The following RAE1 variants were observed in gnomAD, a reference collection of about 807,000 sequenced individuals.
The protein encoded by RAE1 is ribonucleic acid export 1.
A neutral mutation model predicts 52.7 loss-of-function variants in RAE1; 13 were observed. The observed-to-expected ratio is 0.25, with a 90% CI of 0.16 to 0.39. The LOEUF is 0.39. Ranked by LOEUF, RAE1 falls within the 10% of genes least tolerant of loss-of-function variation. The probability of loss-of-function intolerance (pLI) is 1.00; values close to 1 mark genes in which losing one functional copy is unlikely to be tolerated. For synonymous variants in RAE1, 164 were observed against 153.1 expected, an observed-to-expected ratio of 1.07 and a Z score of -0.52; for missense variants, 262 against 459.8, an observed-to-expected ratio of 0.57 and a Z score of 3.93.
chr20:57,375,046 T>C (rs1386035225), intron 11 of RAE1: 5 of 705,140 alleles, frequency 7.1e-6, no homozygotes, highest in African/African-American at 5.2e-5. Context: ...TACGGGCTGC[T>C]CTGTTCCTGG....
At chr20:57,374,851 C>G (rs1002039250) in intron 11 of RAE1, 50 bp downstream of exon 11, 1 of 1,605,022 alleles carries the variant, frequency 6.2e-7, no homozygotes, top group Non-Finnish European at 8.5e-7. Context: ...CAGAGCCAGG[C>G]TCTGGGTTCA....
chr20:57,375,952 T>G (rs2067108615), intron 11 of RAE1, among the ~76,000 whole-genome samples: 1 of 152,216 alleles, frequency 6.6e-6, no homozygotes, highest in African/African-American at 2.4e-5. Flanking sequence ...CCCCCCGCTA[T>G]CTCAGCCTGG....
intron 11 of RAE1, among the ~76,000 whole-genome samples, chr20:57,376,521 T>C (rs1475054036): frequency 6.6e-6 from 1 of 152,234 alleles, no homozygotes; most frequent in Admixed American, 6.5e-5. Context: ...TCCCTCAGCA[T>C]AAGGATTTTG....
chr20:57,352,048 G>A, intron 1 of RAE1: 1 of 905,278 alleles, frequency 1.1e-6, no homozygotes. Context: ...AAGAGATTTT[G>A]AGTGTAAACA....
chr20:57,354,660 G>T, intron 2 of RAE1, 52 bp from the exon 3 acceptor site: 1 of 1,321,900 alleles, frequency 7.6e-7, no homozygotes, highest in Non-Finnish European at 1.0e-6. Context: ...AAAACAATTT[G>T]GAATGAAGTT....
rs551744289 is a variant in RAE1, at chr20:57,376,876, G to A, written c.1021-1137G>A. Among the ~76,000 whole-genome samples the A allele has an allele frequency of 3.3e-5, 5 of 152,320 alleles. No individual in the cohort carries two copies. In the South Asian group the frequency reaches 1.0e-3, roughly 32 times the overall value. ...GTAGTAAATTGAAAGCAGTGAGAAAGGTAATTGCTTTGAGTGCTGTTTAAA... is the reference window on the plus strand; with the variant it reads ...GTAGTAAATTGAAAGCAGTGAGAAAAGTAATTGCTTTGAGTGCTGTTTAAA... On this transcript the variant is annotated intron_variant, in intron 11 of 11. Transcript: ENST00000395841.
chr20:57,354,841 C>G, intron 3 of RAE1, 25 bp downstream of exon 3: 1 of 1,508,706 alleles, frequency 6.6e-7, no homozygotes, highest in African/African-American at 1.4e-5. Context: ...AATACGTGTT[C>G]TAGAAATCAT....
At position 57,375,156 on chromosome 20, in the gene RAE1, T is replaced by C. The variant is rs927233689; in HGVS notation, c.1020+355T>C. ...GGGTGCTGTTGGTTGCTTGGTTGGC[T>C]GGTGGTTTGGGCAGGGGGAGTTAGG... On this transcript the variant is annotated intron_variant, in intron 11 of 11. Transcript: ENST00000395841. 7 of 629,134 alleles carry C rather than the reference T, an allele frequency of 1.1e-5. No homozygotes were observed. The African/African-American group carries it at 1.3e-4, about 11-fold the overall frequency. The allele number at this position is 629,134 out of a possible 1,614,324, so 39.0% of individuals were successfully genotyped here.
At chr20:57,361,088 G>GAGAA (rs111818954) in intron 4 of RAE1, among the ~76,000 whole-genome samples, 5,993 of 151,452 alleles carry the variant, frequency 0.04, 156 homozygotes, top group East Asian at 0.066. Flanking sequence ...ATTAAAGTAT[G>GAGAA]AGAAAGAAAG....
chr20:57,372,528 A>C (rs1295356310), intron 8 of RAE1: 1 of 152,256 alleles, frequency 6.6e-6, no homozygotes, highest in Admixed American at 6.5e-5. Flanking sequence ...CTTTTCTGTC[A>C]TCTAAGAACT....
intron 3 of RAE1, 33 bp downstream of exon 3, chr20:57,354,849 C>G: frequency 6.7e-7 from 1 of 1,487,458 alleles, no homozygotes; most frequent in African/African-American, 1.4e-5. Context: ...TTCTAGAAAT[C>G]ATCTCTCTTT....
rs557406100 is a variant in RAE1, at chr20:57,362,020, G to A, written c.289-3336G>A. ...GAACCCTGTTGTGAAGTGCACACGT[G>A]AGGGATCTAGGTTGTGTCTTCCTTA... On this transcript the variant is annotated intron_variant, in intron 4 of 11. Coordinates refer to ENST00000395841, the MANE Select transcript of RAE1 (RefSeq NM_003610.4). 1.8e-4 allele frequency among the ~76,000 whole-genome samples: 28 copies of A among 152,324 alleles called. No individual in the cohort carries two copies. In the South Asian group the frequency reaches 4.6e-3, roughly 25 times the overall value.
At chr20:57,353,972 C>T (rs543362241) in intron 1 of RAE1, 60 bp from the exon 2 acceptor site, 285 of 1,401,262 alleles carry the variant, frequency 2.0e-4, no homozygotes, top group African/African-American at 5.0e-4. Flanking sequence ...ATTATCTTAC[C>T]ATTGCCTCTC....
At chr20:57,354,341 AGGTGCAGATTCC>A (rs1278862326) in intron 2 of RAE1, among the ~76,000 whole-genome samples, 2 of 152,232 alleles carry the variant, frequency 1.3e-5, no homozygotes, top group African/African-American at 2.4e-5. Context: ...GAATCACCCA[AGGTGCAGATTCC>A]GGTGCAGATT....
chr20:57,354,741 T>C lies in RAE1; in HGVS notation c.120T>C (p.Asp40=). The change falls in exon 3 of 12, where the codon GAT becomes GAC. Residue 40 remains aspartate, a synonymous_variant. Coordinates refer to ENST00000395841, the MANE Select transcript of RAE1 (RefSeq NM_003610.4). ...TTGAAGTAACATCATCTCCTGATGATAGCATTGGTTGTCTGTCTTTTAGCC... is the reference window on the plus strand; with the variant it reads ...TTGAAGTAACATCATCTCCTGATGACAGCATTGGTTGTCTGTCTTTTAGCC... ...KDIEVTSSPD[D]SIGCLSFSPP... 1 of 1,603,050 alleles carries C rather than the reference T, an allele frequency of 6.2e-7. No homozygotes were observed. The highest frequency in any genetic ancestry group is 8.5e-7 in the Non-Finnish European group (1 of 1,175,700).
chr20:57,376,627 C>A (rs536775379), intron 11 of RAE1, among the ~76,000 whole-genome samples: 9 of 152,172 alleles, frequency 5.9e-5, no homozygotes, highest in Admixed American at 5.2e-4. Context: ...TATCCATTCA[C>A]CTGTGTAAGC....
At chr20:57,357,251 C>A (rs7352048) in intron 4 of RAE1, among the ~76,000 whole-genome samples, 9,771 of 152,222 alleles carry the variant, frequency 0.064, 819 homozygotes, top group African/African-American at 0.2. Flanking sequence ...TCTCTTCCTT[C>A]CTTTTGTCGT....
chr20:57,351,676 G>C (rs977784258), intron 1 of RAE1: 2 of 985,384 alleles, frequency 2.0e-6, no homozygotes, highest in South Asian at 4.7e-5. Context: ...AATGCAGTGT[G>C]TGTCGCCTCT....
chr20:57,368,051 G>A (rs1043256854), intron 7 of RAE1, among the ~76,000 whole-genome samples: 14 of 152,146 alleles, frequency 9.2e-5, no homozygotes, highest in Non-Finnish European at 1.3e-4. Flanking sequence ...ACCAGGCCCA[G>A]CTAATTTTTA....
Sources: allele counts gnomAD v4.1 joint callset (sites outside exome capture counted in the v4.1 genomes callset), GRCh38; gene constraint gnomAD v4.1.1; transcripts MANE v1.5; gene names NCBI Gene and HGNC (gene_info 2026-07-23, HGNC 2026-07-21).